KPNA7: variants seen among roughly 807,000 people sequenced by gnomAD.
The protein encoded by KPNA7 is karyopherin subunit alpha 7.
Under a neutral mutation model 53.7 loss-of-function variants are expected in KPNA7, and 54 were observed. The observed-to-expected ratio is 1.01, with a 90% CI of 0.81 to 1.26. The LOEUF is 1.26. Ranked by LOEUF, KPNA7 falls within the 50% of genes most tolerant of loss-of-function variation. The pLI, the probability that KPNA7 is intolerant of heterozygous loss-of-function variation, is 0.00. For synonymous variants in KPNA7, 276 were observed against 259.3 expected, an observed-to-expected ratio of 1.06 and a Z score of -0.62; for missense variants, 640 against 644.5, an observed-to-expected ratio of 0.99 and a Z score of 0.07.
At chr7:99,163,319 A>T in the KPNA7 span, among the ~76,000 whole-genome samples, 2 of 141,286 alleles carry the variant, frequency 1.4e-5, no homozygotes, top group Non-Finnish European at 3.0e-5. Flanking sequence ...TTTATATATA[A>T]TATACATATT....
intron 3 of KPNA7, among the ~76,000 whole-genome samples, chr7:99,201,313 T>C (rs1446956446): frequency 6.6e-6 from 1 of 152,156 alleles, no homozygotes; most frequent in African/African-American, 2.4e-5. Flanking sequence ...TAGAAACCAC[T>C]GATTAGGCAC....
At chr7:99,167,343 G>GAGGTGAGCAGC in the KPNA7 span, among the ~76,000 whole-genome samples, 5 of 152,224 alleles carry the variant, frequency 3.3e-5, no homozygotes, top group Admixed American at 6.5e-5. Context: ...CACCCAGCAG[G>GAGGTGAGCAGC]AGGTGAGCAG....
the KPNA7 span, among the ~76,000 whole-genome samples, chr7:99,165,302 T>TAA: frequency 1.4e-5 from 2 of 145,270 alleles, no homozygotes; most frequent in South Asian, 2.2e-4. Context: ...CTTGCCTTTT[T>TAA]AAAAAAAAAA....
At chr7:99,153,949 CAG>C in the KPNA7 span, among the ~76,000 whole-genome samples, 2 of 152,028 alleles carry the variant, frequency 1.3e-5, no homozygotes, top group Middle Eastern at 3.4e-3. Flanking sequence ...GCCTGGGTGA[CAG>C]AGAGTCTCTA....
At chr7:99,156,612 C>T in the KPNA7 span, among the ~76,000 whole-genome samples, 5 of 152,230 alleles carry the variant, frequency 3.3e-5, no homozygotes, top group South Asian at 8.3e-4. Flanking sequence ...GCAACCTCCG[C>T]CTCCCAGGTT....
chr7:99,172,971 A>C (rs1024566893), downstream of KPNA7, among the ~76,000 whole-genome samples: 6 of 151,412 alleles, frequency 4.0e-5, no homozygotes, highest in African/African-American at 1.2e-4. Context: ...GAGAGGCAGG[A>C]AAATCACTGG....
At chr7:99,158,083 T>G in the KPNA7 span, among the ~76,000 whole-genome samples, 1 of 151,702 alleles carries the variant, frequency 6.6e-6, no homozygotes, top group South Asian at 2.1e-4. Context: ...ATGAGTCTCC[T>G]TATGTTGCCC....
intron 3 of KPNA7, among the ~76,000 whole-genome samples, chr7:99,196,932 GAGAGGT>G (rs1230828990): frequency 1.3e-5 from 2 of 152,130 alleles, no homozygotes; most frequent in Non-Finnish European, 2.9e-5. Context: ...ACAGCTACCT[GAGAGGT>G]TGAATAAGAG....
chr7:99,190,557 A>ATT, intron 6 of KPNA7, among the ~76,000 whole-genome samples: 1 of 152,154 alleles, frequency 6.6e-6, no homozygotes, highest in Admixed American at 6.5e-5. Flanking sequence ...AAAGGGCCAG[A>ATT]TCTTAAACAT....
At chr7:99,154,210 C>T in the KPNA7 span, among the ~76,000 whole-genome samples, 18 of 151,178 alleles carry the variant, frequency 1.2e-4, no homozygotes, top group Admixed American at 8.6e-4. Context: ...CTCACTGCAA[C>T]CTCTGCCTTC....
At chr7:99,168,914 G>A (rs559443536), downstream of KPNA7, among the ~76,000 whole-genome samples, 2 of 152,202 alleles carry the variant, frequency 1.3e-5, no homozygotes, top group Admixed American at 6.5e-5. Context: ...ATGTAACCAC[G>A]GTGGCTCACA....
At chr7:99,165,796 G>A in the KPNA7 span, among the ~76,000 whole-genome samples, 141,610 of 152,192 alleles carry the variant, frequency 0.93, 66,035 homozygotes, top group East Asian at 1. Context: ...GAACTCCTGG[G>A]CTCAAGGGAT....
chr7:99,210,137 A>C (rs1360810382), upstream of KPNA7, among the ~76,000 whole-genome samples: 3 of 152,002 alleles, frequency 2.0e-5, no homozygotes, highest in African/African-American at 7.3e-5. Context: ...AGCCCACTTC[A>C]CCTCCAACAA....
chr7:99,170,863 C>T (rs912650149), downstream of KPNA7, among the ~76,000 whole-genome samples: 6 of 152,108 alleles, frequency 3.9e-5, no homozygotes, highest in African/African-American at 9.7e-5. Flanking sequence ...AGATAATGAT[C>T]GATGCTTGCA....
chr7:99,195,400 C>T (rs753778284), intron 4 of KPNA7, 62 bp from the exon 5 acceptor site: 140 of 1,472,522 alleles, frequency 9.5e-5, no homozygotes, highest in Middle Eastern at 1.8e-4. Flanking sequence ...TTAAGGACCT[C>T]CTTTTAGGCC....
chr7:99,182,089 T>TA, intron 8 of KPNA7, 24 bp from the exon 9 acceptor site: 3 of 1,490,344 alleles, frequency 2.0e-6, no homozygotes, highest in Non-Finnish European at 2.7e-6. Flanking sequence ...ATGTTTCCAT[T>TA]CTCTACAGAT....
At chr7:99,194,825 G>A (rs1461805648) in intron 5 of KPNA7, among the ~76,000 whole-genome samples, 2 of 152,050 alleles carry the variant, frequency 1.3e-5, no homozygotes, top group African/African-American at 4.8e-5. Context: ...GGCTGGTCTT[G>A]AACTCCTGAC....
At chr7:99,168,954 C>A (rs1798722766), downstream of KPNA7, among the ~76,000 whole-genome samples, 1 of 152,084 alleles carries the variant, frequency 6.6e-6, no homozygotes. Flanking sequence ...GGAGGCCAAG[C>A]CAAGGTGGGT....
intron 1 of KPNA7, among the ~76,000 whole-genome samples, chr7:99,218,787 A>G (rs73157585): frequency 0.052 from 7,974 of 152,312 alleles, 323 homozygotes; most frequent in African/African-American, 0.11. Flanking sequence ...GAGAGCAAGG[A>G]CACAGCAGCC....
Sources: gnomAD v4.1 joint callset for allele counts (sites outside exome capture counted in the v4.1 genomes callset) on GRCh38, gnomAD v4.1.1 for gene constraint, MANE v1.5 for transcripts, NCBI Gene and HGNC (gene_info 2026-07-23, HGNC 2026-07-21) for gene names.